Variants in EPHA7 observed in about 807,000 individuals in gnomAD.
The protein encoded by EPHA7 is EPH receptor A7, also known as ephrin type-A receptor 7.
In EPHA7, 25 loss-of-function variants were observed where a neutral mutation model predicts 112.6. That is an observed-to-expected ratio of 0.22 (90% CI 0.16 to 0.31). EPHA7 has a LOEUF of 0.31. Among genes scored for constraint, EPHA7 ranks in the 10% least tolerant of loss-of-function variants. The pLI, the probability that EPHA7 is intolerant of heterozygous loss-of-function variation, is 1.00. For missense variants in EPHA7, 962 were observed against 1,212.6 expected, an observed-to-expected ratio of 0.79 and a Z score of 3.07; for synonymous variants, 437 against 406.5, an observed-to-expected ratio of 1.07 and a Z score of -0.90.
intron 5 of EPHA7, among the ~76,000 whole-genome samples, chr6:93,309,815 G>T (rs1773441328): frequency 6.6e-6 from 1 of 152,140 alleles, no homozygotes; most frequent in African/African-American, 2.4e-5. Flanking sequence ...TAAAGGCCAT[G>T]AGTAGTTGCA....
rs140798200 is a variant in EPHA7, at chr6:93,263,406, T to A, written c.1798+454A>T. On this transcript the variant is annotated intron_variant, in intron 9 of 16. Transcript: ENST00000369303. Reference sequence around the variant, plus strand: ...TATACTATTTATGTCCTATGAAATATCTATCAATGATAGGTAATTTATAGT... The same window carrying A: ...TATACTATTTATGTCCTATGAAATAACTATCAATGATAGGTAATTTATAGT... Among the ~76,000 whole-genome samples the A allele has an allele frequency of 3.2e-4, 49 of 151,520 alleles. 1 individual carries two copies. In the East Asian group the frequency reaches 6.4e-3, roughly 20 times the overall value.
In EPHA7 at chr6:93,284,864, G is replaced by A. The variant is rs373722215; in HGVS notation, c.1325-12442C>T. Among the ~76,000 whole-genome samples the A allele has an allele frequency of 3.5e-4, 53 of 151,362 alleles. 1 individual carries two copies. In the East Asian group the frequency reaches 5.1e-3, roughly 15 times the overall value. On this transcript the variant is annotated intron_variant, in intron 5 of 16. Coordinates refer to ENST00000369303, the MANE Select transcript of EPHA7 (RefSeq NM_004440.4). ...CCTGTTGGGGGGTGGGGGGCTAGGGGAGGGATAGCATTAGGAGAAATACGT... is the reference window on the plus strand; with the variant it reads ...CCTGTTGGGGGGTGGGGGGCTAGGGAAGGGATAGCATTAGGAGAAATACGT...
At chr6:93,245,588 A>G in intron 15 of EPHA7, 135 bp from the exon 16 acceptor site, 1 of 809,172 alleles carries the variant, frequency 1.2e-6, no homozygotes. Context: ...AAATACATCG[A>G]TATGCTAATA....
chr6:93,289,782 G>C (rs1375533797), intron 5 of EPHA7, among the ~76,000 whole-genome samples: 4 of 151,994 alleles, frequency 2.6e-5, no homozygotes, highest in Admixed American at 2.6e-4. Flanking sequence ...AGATTAAGTA[G>C]GACATATAAA....
intron 3 of EPHA7, among the ~76,000 whole-genome samples, chr6:93,360,473 TTGTG>T (rs1776205887): frequency 6.6e-6 from 1 of 152,064 alleles, no homozygotes; most frequent in African/African-American, 2.4e-5. Flanking sequence ...TTTGATGACA[TTGTG>T]TGTATGTTTA....
intron 3 of EPHA7, among the ~76,000 whole-genome samples, chr6:93,401,539 A>T: frequency 6.7e-6 from 1 of 149,068 alleles, no homozygotes; most frequent in Non-Finnish European, 1.5e-5. Context: ...CAAAAAAAAT[A>T]ACATCTATAA....
chr6:93,254,691 T>C lies in EPHA7; in HGVS notation c.2488A>G (p.Met830Val). The C allele has an allele frequency of 6.2e-7, 1 of 1,613,666 alleles. No homozygotes were observed. Among genetic ancestry groups the C allele is most frequent in the Admixed American group, 1.7e-5 (1 of 59,998 alleles). ...WSYGIVMWEV[M>V]SYGERPYWDM... ...CAATAAGGTCTTTCTCCATAAGACA[T>C]AACTTCCCACATGACTATTCCATAG... Residue 830 changes from methionine to valine, a missense_variant, in exon 14 of 17, where the codon ATG becomes GTG. This residue lies in a region of EPHA7 where 746 missense variants were observed against 889.2 expected (regional missense o/e 0.84). Transcript: ENST00000369303.
chr6:93,368,460 G>A (rs1776621917), intron 3 of EPHA7, among the ~76,000 whole-genome samples: 1 of 152,006 alleles, frequency 6.6e-6, no homozygotes, highest in Admixed American at 6.5e-5. Flanking sequence ...TTTTCAATGA[G>A]GCTAATGAAG....
chr6:93,352,545 A>G (rs1449601281), intron 5 of EPHA7, among the ~76,000 whole-genome samples: 3 of 151,946 alleles, frequency 2.0e-5, no homozygotes, highest in Non-Finnish European at 4.4e-5. Context: ...AGAGTTTTGT[A>G]TTTTGTTCCC....
Position 93,298,438 on chromosome 6 carries a change from T to A in EPHA7, c.1325-26016A>T, listed in dbSNP as rs374471130. Among the ~76,000 whole-genome samples the A allele has an allele frequency of 1.3e-4, 20 of 152,224 alleles. 1 individual carries two copies. Among genetic ancestry groups the A allele is most frequent in the African/African-American group, 3.9e-4 (16 of 41,550 alleles). ...TAAGCAAAAGATAGACTCATAAAAA[T>A]GCAGAGTAGCATATATAAAATTAAA... On this transcript the variant is annotated intron_variant, in intron 5 of 16. Coordinates refer to ENST00000369303, the MANE Select transcript of EPHA7 (RefSeq NM_004440.4).
At chr6:93,267,394 T>C (rs563186817) in intron 7 of EPHA7, among the ~76,000 whole-genome samples, 27 of 151,700 alleles carry the variant, frequency 1.8e-4, no homozygotes, top group Non-Finnish European at 3.5e-4. Flanking sequence ...CAAACTCCTA[T>C]AACCGGACAT....
chr6:93,389,129 C>T (rs192508329), intron 3 of EPHA7, among the ~76,000 whole-genome samples: 26 of 152,124 alleles, frequency 1.7e-4, no homozygotes, highest in African/African-American at 5.5e-4. Flanking sequence ...CATTTCCAGC[C>T]ACATTTACCA....
chr6:93,253,846 A>G (rs935619291), intron 14 of EPHA7, among the ~76,000 whole-genome samples: 5 of 152,048 alleles, frequency 3.3e-5, no homozygotes, highest in African/African-American at 1.2e-4. Flanking sequence ...ATTTTCACTC[A>G]TATTTCAATA....
At chr6:93,414,658 T>C (rs1219725038) in intron 2 of EPHA7, 45 bp downstream of exon 2, 1 of 1,468,606 alleles carries the variant, frequency 6.8e-7, no homozygotes. Context: ...AAACGTTTTG[T>C]TTCTTATTTT....
intron 3 of EPHA7, among the ~76,000 whole-genome samples, chr6:93,396,248 C>A (rs1051051249): frequency 1.3e-5 from 2 of 151,624 alleles, no homozygotes; most frequent in African/African-American, 4.8e-5. Context: ...AATGTGTAAA[C>A]AATAATTATA....
chr6:93,404,584 T>C (rs1778597946), intron 3 of EPHA7, among the ~76,000 whole-genome samples: 1 of 150,344 alleles, frequency 6.7e-6, no homozygotes, highest in Non-Finnish European at 1.5e-5. Context: ...ATATAAGATA[T>C]ATAACCATAT....
At position 93,243,074 on chromosome 6, in the gene EPHA7, C is replaced by T. The variant is rs1054218537; in HGVS notation, c.*352G>A. On this transcript the variant is annotated 3_prime_UTR_variant, in exon 17 of 17. Transcript: ENST00000369303. ...ATTTCATTAATTTTAACAATAAGAT[C>T]ATGATTTTATTTGACAAATATATTC... 1.3e-5 allele frequency: 3 copies of T among 233,518 alleles called. No individual in the cohort carries two copies. The highest frequency in any genetic ancestry group is 2.2e-5 in the African/African-American group (1 of 45,258). The allele number at this position is 233,518 out of a possible 1,614,324, so 14.5% of individuals were successfully genotyped here.
intron 3 of EPHA7, among the ~76,000 whole-genome samples, chr6:93,362,979 C>T (rs1008737704): frequency 3.3e-5 from 5 of 152,060 alleles, no homozygotes; most frequent in Non-Finnish European, 7.4e-5. Flanking sequence ...AAAAGATTTC[C>T]TGATCCTTAA....
At chr6:93,335,972 T>C (rs1485354051) in intron 5 of EPHA7, among the ~76,000 whole-genome samples, 1 of 152,124 alleles carries the variant, frequency 6.6e-6, no homozygotes. Context: ...TTTCTTGCTA[T>C]AACCTACAAG....
Sources: allele counts gnomAD v4.1 joint callset (sites outside exome capture counted in the v4.1 genomes callset), GRCh38; gene constraint gnomAD v4.1.1; regional missense constraint gnomAD v4.1.1; transcripts MANE v1.5; gene names NCBI Gene and HGNC (gene_info 2026-07-23, HGNC 2026-07-21).